KCNMA1: variants seen among roughly 807,000 people sequenced by gnomAD.
The protein encoded by KCNMA1 is potassium calcium-activated channel subfamily M alpha 1.
Under a neutral mutation model 140.0 loss-of-function variants are expected in KCNMA1, and 29 were observed. That is an observed-to-expected ratio of 0.21 (90% confidence interval 0.15 to 0.28). The LOEUF is 0.28. Among genes scored for constraint, KCNMA1 ranks in the 10% least tolerant of loss-of-function variants. The pLI is 1.00. For synonymous variants in KCNMA1, 612 were observed against 611.9 expected (o/e 1.00, Z 0.00); for missense variants, 880 against 1,602.2 (o/e 0.55, Z 7.70).
In KCNMA1 at chr10:77,039,678, G is replaced by T. The variant is rs200874159; in HGVS notation, c.1750-41C>A. ...ACATGCGGAGAGTTTAAAATATGAC[G>T]GTGGGCTGTAAAAGGGAAACCTGAG... On this transcript the variant is annotated intron_variant, in intron 14 of 27. Transcript: ENST00000286628. 1.3e-5 allele frequency: 17 copies of T among 1,280,002 alleles called. No homozygotes were observed. The East Asian group carries it at 3.5e-4, about 26-fold the overall frequency. 79.3% of individuals were successfully genotyped at this position (1,280,002 alleles called of 1,614,324 possible).
At chr10:77,257,982 A>T (rs986418962) in intron 2 of KCNMA1, among the ~76,000 whole-genome samples, 1 of 152,170 alleles carries the variant, frequency 6.6e-6, no homozygotes, top group Non-Finnish European at 1.5e-5. Context: ...GGCACACAGG[A>T]TGAGTGATGT....
chr10:77,495,066 G>A (rs975887320), intron 1 of KCNMA1, among the ~76,000 whole-genome samples: 6 of 152,176 alleles, frequency 3.9e-5, no homozygotes, highest in African/African-American at 1.4e-4. Flanking sequence ...TCCAAATAAG[G>A]TCACATTCAC....
chr10:76,990,466 C>T (rs192778533), intron 19 of KCNMA1, among the ~76,000 whole-genome samples: 2 of 152,264 alleles, frequency 1.3e-5, no homozygotes, highest in Admixed American at 6.5e-5. Context: ...GAGATGTCTG[C>T]CTGTTTCCCA....
intron 19 of KCNMA1, chr10:76,979,450 T>C (rs1448942550): frequency 4.0e-5 from 6 of 151,366 alleles, no homozygotes; most frequent in Admixed American, 3.9e-4. Flanking sequence ...TTACATATTT[T>C]GACACCAATG....
At chr10:77,523,209 C>CCCT (rs1555416261) in intron 1 of KCNMA1, among the ~76,000 whole-genome samples, 4 of 149,882 alleles carry the variant, frequency 2.7e-5, no homozygotes, top group African/African-American at 7.4e-5. Flanking sequence ...ACGTGCCCCC[C>CCCT]CCCCTTGCAA....
chr10:77,528,221 T>A (rs2056477813), intron 1 of KCNMA1, among the ~76,000 whole-genome samples: 1 of 152,184 alleles, frequency 6.6e-6, no homozygotes, highest in Admixed American at 6.5e-5. Flanking sequence ...AGGGTGGACC[T>A]GAAACACATC....
intron 4 of KCNMA1, among the ~76,000 whole-genome samples, chr10:77,184,380 T>A (rs1247927932): frequency 6.6e-6 from 1 of 152,068 alleles, no homozygotes; most frequent in African/African-American, 2.4e-5. Flanking sequence ...CCGCCACGCC[T>A]GGCTAACTTT....
rs190207153 is a variant in KCNMA1, at chr10:77,083,990, G to T, written c.1523+647C>A. Among the ~76,000 whole-genome samples, 16 of 152,244 alleles carry T rather than the reference G, an allele frequency of 1.1e-4. No homozygotes were observed. In the East Asian group the frequency reaches 2.9e-3, roughly 28 times the overall value. On this transcript the variant is annotated intron_variant, in intron 12 of 27. Transcript: ENST00000286628. ...CTTTCAAGAAAGAACATTAATTTTG[G>T]GAAACTGGATGAAACAGCCTAACTG... is the stretch of plus-strand genomic sequence containing the variant.
At chr10:77,414,642 C>G (rs2096697546) in intron 1 of KCNMA1, among the ~76,000 whole-genome samples, 1 of 152,088 alleles carries the variant, frequency 6.6e-6, no homozygotes, top group South Asian at 2.1e-4. Flanking sequence ...AGGCACCCAC[C>G]ACCATGCTCC....
At chr10:77,517,665 C>A (rs538349645) in intron 1 of KCNMA1, among the ~76,000 whole-genome samples, 1 of 152,146 alleles carries the variant, frequency 6.6e-6, no homozygotes, top group Non-Finnish European at 1.5e-5. Context: ...TCTCCCCCTC[C>A]GACTCCTGCC....
chr10:77,063,270 G>A (rs561208059), intron 14 of KCNMA1, among the ~76,000 whole-genome samples: 19 of 152,062 alleles, frequency 1.2e-4, no homozygotes, highest in South Asian at 4.1e-4. Context: ...AAAATTAGCC[G>A]GGTGTGGTGG....
chr10:76,920,020 G>GTATATGTATATATATATATATATATATA (rs1554921803), intron 23 of KCNMA1, among the ~76,000 whole-genome samples: 3 of 34,430 alleles, frequency 8.7e-5, no homozygotes, highest in Admixed American at 4.3e-4. Flanking sequence ...GTGTGTGTGT[G>GTATATGTATATATATATATATATATATA]TATATATATA....
At chr10:77,188,999 G>A (rs1598304813) in intron 3 of KCNMA1, among the ~76,000 whole-genome samples, 1 of 152,048 alleles carries the variant, frequency 6.6e-6, no homozygotes. Context: ...TCTGGCTGCC[G>A]AACCCTGTGA....
chr10:77,608,884 T>C (rs767488429), intron 1 of KCNMA1, among the ~76,000 whole-genome samples: 16 of 152,122 alleles, frequency 1.1e-4, no homozygotes, highest in Admixed American at 6.5e-4. Context: ...AAAGCCACGA[T>C]GAGTTATAAC....
intron 5 of KCNMA1, among the ~76,000 whole-genome samples, chr10:77,124,630 G>A (rs1215544403): frequency 2.0e-5 from 3 of 152,214 alleles, no homozygotes; most frequent in African/African-American, 4.8e-5. Context: ...GGCTGAACAA[G>A]GGTGGCCTTT....
chr10:76,883,870 C>A (rs1396862946), downstream of KCNMA1: 3 of 303,608 alleles, frequency 9.9e-6, no homozygotes, highest in African/African-American at 6.8e-5. Flanking sequence ...GGAGGGGACT[C>A]TTCACTCTAT....
intron 1 of KCNMA1, among the ~76,000 whole-genome samples, chr10:77,409,242 T>C (rs1422279557): frequency 2.6e-5 from 4 of 152,198 alleles, no homozygotes; most frequent in Non-Finnish European, 5.9e-5. Context: ...CGTTTGGGCA[T>C]TTCCCGCTGA....
intron 5 of KCNMA1, among the ~76,000 whole-genome samples, chr10:77,138,566 C>A (rs550954598): frequency 6.6e-6 from 1 of 152,326 alleles, no homozygotes; most frequent in Admixed American, 6.5e-5. Context: ...CCCAGTCCCC[C>A]CAGGCCCCAC....
chr10:76,965,404 C>T (rs890012376), intron 20 of KCNMA1, among the ~76,000 whole-genome samples: 1 of 152,276 alleles, frequency 6.6e-6, no homozygotes, highest in Non-Finnish European at 1.5e-5. Flanking sequence ...CACCTCTGTG[C>T]TTATGTAGTG....
Sources: gnomAD v4.1 joint callset for allele counts (sites outside exome capture counted in the v4.1 genomes callset) on GRCh38, gnomAD v4.1.1 for gene constraint, MANE v1.5 for transcripts, NCBI Gene and HGNC (gene_info 2026-07-23, HGNC 2026-07-21) for gene names.